KALRN: variants seen among roughly 807,000 people sequenced by gnomAD.
KALRN encodes kalirin.
Under a neutral mutation model 353.7 loss-of-function variants are expected in KALRN, and 70 were observed. The ratio of observed to expected loss-of-function variants is 0.20; its 90% CI spans 0.16 to 0.24. The LOEUF (loss-of-function observed/expected upper bound fraction) is 0.24, where lower values mean the gene tolerates loss of function less well. Ranked by LOEUF, KALRN falls within the 10% of genes least tolerant of loss-of-function variation. The probability of loss-of-function intolerance (pLI) is 1.00; values close to 1 mark genes in which losing one functional copy is unlikely to be tolerated. For missense variants in KALRN, 2,791 were observed against 3,756.7 expected (o/e 0.74, Z 6.72); for synonymous variants, 1,391 against 1,434.8 (o/e 0.97, Z 0.69).
chr3:124,257,947 T>C (rs7636752), intron 3 of KALRN, among the ~76,000 whole-genome samples: 115,710 of 152,228 alleles, frequency 0.76, 46,885 homozygotes, highest in Non-Finnish European at 0.92. Flanking sequence ...AAGTTTGATT[T>C]GGGCTAATAA....
At chr3:124,593,564 T>G (rs1279973606) in intron 34 of KALRN, among the ~76,000 whole-genome samples, 1 of 152,152 alleles carries the variant, frequency 6.6e-6, no homozygotes, top group African/African-American at 2.4e-5. Flanking sequence ...TGATTTGTTC[T>G]TTTCTCTCTT....
rs1340071456 is a variant in KALRN at position 124,368,204 on chromosome 3, C to T, written c.1771-16641C>T. Among the ~76,000 whole-genome samples, 47 of 133,034 alleles carry T rather than the reference C, an allele frequency of 3.5e-4. 1 individual carries two copies. Among genetic ancestry groups the T allele is most frequent in the Non-Finnish European group, 7.0e-4 (44 of 62,824 alleles). The allele number at this position is 133,034 out of a possible 152,430, so 87.3% of individuals were successfully genotyped here. A position where few individuals can be genotyped will look rare whatever the true frequency, so the allele number is the denominator to read the frequency against. Reference sequence around the variant, plus strand: ...CGGGCGGGGGGCTGACCCCCCACACCTCCCTCCCGGACAGCACGGCTGGCC... The same window carrying T: ...CGGGCGGGGGGCTGACCCCCCACACTTCCCTCCCGGACAGCACGGCTGGCC... On this transcript the variant is annotated intron_variant, in intron 10 of 59. Coordinates refer to ENST00000682506, the MANE Select transcript of KALRN (RefSeq NM_001388419.1).
intron 1 of KALRN, among the ~76,000 whole-genome samples, chr3:124,116,149 C>A (rs548964298): frequency 6.6e-6 from 1 of 152,276 alleles, no homozygotes; most frequent in Admixed American, 6.5e-5. Flanking sequence ...CTCTGGTGGC[C>A]AGATATCTTC....
At chr3:124,561,123 A>G (rs572925611) in intron 33 of KALRN, among the ~76,000 whole-genome samples, 1 of 152,320 alleles carries the variant, frequency 6.6e-6, no homozygotes, top group South Asian at 2.1e-4. Context: ...ATTAATGCAA[A>G]GGTATTTTGC....
chr3:124,120,183 G>A (rs1218465879), intron 1 of KALRN, among the ~76,000 whole-genome samples: 4 of 152,206 alleles, frequency 2.6e-5, no homozygotes, highest in African/African-American at 9.7e-5. Flanking sequence ...TCCTGGACTG[G>A]TTTGGGCTGT....
chr3:124,211,178 G>T lies in KALRN; in HGVS notation c.74-16812G>T, dbSNP rs2076868901. ...TCACTCCATCACCTAGCACTTACTG[G>T]ACATCTACCAGTCACAAGGCACACA... On this transcript the variant is annotated intron_variant, in intron 1 of 59. Transcript: ENST00000682506. 2.0e-5 allele frequency among the ~76,000 whole-genome samples: 3 copies of T among 152,136 alleles called. No individual in the cohort carries two copies. The South Asian group carries it at 6.2e-4, about 32-fold the overall frequency.
chr3:124,033,746 C>T lies in KALRN; in HGVS notation c.6C>T (p.Asn2=), dbSNP rs2039107199. Residue 2 remains asparagine (N), a synonymous_variant, in exon 1 of 60, where the codon AAC becomes AAT. Coordinates refer to ENST00000682506, the MANE Select transcript of KALRN (RefSeq NM_001388419.1). The surrounding 1 kb of genome is among the most constrained non-coding windows in gnomAD (Gnocchi z 6.2). M[N]PPEGAAEEGG... is the part of the protein sequence containing the mutation. ...GCGGACGCCCTCCCACAGTCATGAA[C>T]CCCCCTGAGGGAGCAGCGGAGGAAG... 1.3e-5 allele frequency among the ~76,000 whole-genome samples: 2 copies of T among 152,040 alleles called. No homozygotes were observed.
chr3:124,616,122 A>G lies in KALRN; in HGVS notation c.5183-16298A>G, dbSNP rs183632141. ...TCTAGCCACCTGTTACTTCCTCCAT[A>G]TATGCAGTTTCCTCTTCTTGCTTCT... is the stretch of plus-strand genomic sequence containing the variant. On this transcript the variant is annotated intron_variant, in intron 34 of 59. Transcript: ENST00000682506. Among the ~76,000 whole-genome samples the G allele has an allele frequency of 6.6e-5, 10 of 152,254 alleles. No homozygotes were observed. The East Asian group carries it at 1.9e-3, about 29-fold the overall frequency.
At chr3:124,640,081 A>G (rs764768077) in intron 37 of KALRN, among the ~76,000 whole-genome samples, 1 of 152,188 alleles carries the variant, frequency 6.6e-6, no homozygotes, top group East Asian at 1.9e-4. Context: ...CGCTTAGAAG[A>G]AGAAAAGATT....
chr3:124,428,942 C>G (rs2093153202), intron 15 of KALRN, among the ~76,000 whole-genome samples: 1 of 152,154 alleles, frequency 6.6e-6, no homozygotes, highest in Non-Finnish European at 1.5e-5. Context: ...CTGACACCCT[C>G]AAATGAATCT....
At chr3:124,660,509 C>T (rs2084709890) in intron 43 of KALRN, among the ~76,000 whole-genome samples, 1 of 151,974 alleles carries the variant, frequency 6.6e-6, no homozygotes, top group Admixed American at 6.6e-5. Flanking sequence ...TGGTGAAACA[C>T]ATCTCTACCG....
chr3:124,097,678 C>T (rs2061545613), intron 1 of KALRN, among the ~76,000 whole-genome samples: 1 of 152,168 alleles, frequency 6.6e-6, no homozygotes, highest in African/African-American at 2.4e-5. Flanking sequence ...ACAGCGTAGG[C>T]TTGATGATTG....
At position 124,395,299 on chromosome 3, in the gene KALRN, G is replaced by A. The variant is rs1474738130; in HGVS notation, c.2127G>A (p.Gln709=). 7 of 1,613,618 alleles carry A rather than the reference G, an allele frequency of 4.3e-6. No homozygotes were observed. The highest frequency in any genetic ancestry group is 5.9e-6 in the Non-Finnish European group (7 of 1,179,920). ...VIKEGEDLIQ[Q]LRSAPPSLGE... is the part of the protein sequence containing the mutation. Reference sequence around the variant, plus strand: ...AGGAAGGCGAAGACCTTATCCAGCAGCTCAGGTCAGCGCCTCCCTCCCTCG... The same window carrying A: ...AGGAAGGCGAAGACCTTATCCAGCAACTCAGGTCAGCGCCTCCCTCCCTCG... The change falls in exon 12 of 60, where the codon CAG becomes CAA. Residue 709 remains glutamine, a synonymous_variant. Coordinates refer to ENST00000682506, the MANE Select transcript of KALRN (RefSeq NM_001388419.1).
intron 1 of KALRN, among the ~76,000 whole-genome samples, chr3:124,102,615 A>T (rs2061970082): frequency 6.6e-6 from 1 of 152,178 alleles, no homozygotes; most frequent in South Asian, 2.1e-4. Flanking sequence ...CTCAGTAAGT[A>T]TGTGCTTGTT....
Position 124,141,917 on chromosome 3 carries a change from G to T in KALRN, c.74-86073G>T, listed in dbSNP as rs2066672610. Among the ~76,000 whole-genome samples, 3 of 152,316 alleles carry T rather than the reference G, an allele frequency of 2.0e-5. No homozygotes were observed. In the South Asian group the frequency reaches 6.2e-4, roughly 32 times the overall value. ...AGTGCTCAGGCTTTGGGGCTGGGAG[G>T]ATCTGGGTTTGAATCCCAGCTCTGC... is the stretch of plus-strand genomic sequence containing the variant. On this transcript the variant is annotated intron_variant, in intron 1 of 59. Coordinates refer to ENST00000682506, the MANE Select transcript of KALRN (RefSeq NM_001388419.1).
intron 1 of KALRN, chr3:124,080,135 T>G (rs1256908707): frequency 4.3e-6 from 2 of 468,158 alleles, no homozygotes; most frequent in Non-Finnish European, 8.9e-6. Context: ...AACACGAAAC[T>G]TCTAACACCT....
At chr3:124,451,387 C>A (rs116668110) in intron 21 of KALRN, among the ~76,000 whole-genome samples, 3 of 152,126 alleles carry the variant, frequency 2.0e-5, no homozygotes, top group African/African-American at 7.2e-5. Context: ...AGAGGCAAGA[C>A]ATAAATTAGG....
At chr3:124,493,463 G>A (rs1431570495) in intron 32 of KALRN, among the ~76,000 whole-genome samples, 4 of 152,124 alleles carry the variant, frequency 2.6e-5, no homozygotes, top group Non-Finnish European at 4.4e-5. Context: ...TAAACCCATG[G>A]ATGACTTCTT....
intron 1 of KALRN, among the ~76,000 whole-genome samples, chr3:124,064,413 T>C (rs2042194503): frequency 6.6e-6 from 1 of 152,180 alleles, no homozygotes; most frequent in Admixed American, 6.5e-5. Flanking sequence ...TCAGGACTTT[T>C]AGCTCCTGAA....
Sources: gnomAD v4.1 joint callset for allele counts (sites outside exome capture counted in the v4.1 genomes callset) on GRCh38, gnomAD v4.1.1 for gene constraint, Gnocchi (gnomAD v3.1) non-coding constraint, MANE v1.5 for transcripts, NCBI Gene and HGNC (gene_info 2026-07-23, HGNC 2026-07-21) for gene names.